The following SYTL5 variants were observed in gnomAD, a reference collection of about 807,000 sequenced individuals.
SYTL5 encodes the protein synaptotagmin-like protein 5.
SYTL5 carries 34 observed loss-of-function variants against 55.9 expected under a neutral mutation model. That is an observed-to-expected ratio of 0.61 (90% confidence interval 0.46 to 0.81). The LOEUF (loss-of-function observed/expected upper bound fraction) is 0.81. SYTL5 is among the 30% of genes least tolerant of loss of function. SYTL5 has a pLI of 0.00. For missense variants in SYTL5, 637 were observed against 546.7 expected (o/e 1.17, Z -1.65); for synonymous variants, 221 against 188.7 (o/e 1.17, Z -1.40).
At chrX:38,115,907 CG>C (rs1937477746) in intron 13 of SYTL5, among the ~76,000 whole-genome samples, 1 of 112,071 alleles carries the variant, frequency 8.9e-6, no homozygotes, top group South Asian at 3.7e-4. Flanking sequence ...TTCACTCTGT[CG>C]ATTGTTTTCT....
At chrX:38,086,139 C>T (rs187655320) in intron 6 of SYTL5, among the ~76,000 whole-genome samples, 2 of 111,640 alleles carry the variant, frequency 1.8e-5, no homozygotes, top group Admixed American at 1.9e-4. Context: ...ACCTGGAAAC[C>T]TTCATTTAAC....
chrX:37,893,160 C>A, the SYTL5 span, among the ~76,000 whole-genome samples: 1 of 46,126 alleles, frequency 2.2e-5, no homozygotes, highest in African/African-American at 2.1e-4. Flanking sequence ...ATATAACATA[C>A]CACACTCTAT....
chrX:37,917,831 TA>T, the SYTL5 span, among the ~76,000 whole-genome samples: 21 of 111,237 alleles, frequency 1.9e-4, no homozygotes, highest in African/African-American at 6.9e-4. Context: ...CAAAAGGAAA[TA>T]AGAAAGGGGA....
chrX:38,107,391 T>G (rs1460856396), intron 11 of SYTL5, among the ~76,000 whole-genome samples: 1 of 111,743 alleles, frequency 8.9e-6, no homozygotes, highest in Non-Finnish European at 1.9e-5. Context: ...TGGAGTCACA[T>G]AGGATGCATT....
At chrX:38,091,592 T>A (rs1936800735) in intron 7 of SYTL5, among the ~76,000 whole-genome samples, 1 of 111,319 alleles carries the variant, frequency 9.0e-6, no homozygotes, top group Admixed American at 9.5e-5. Context: ...GGCTTATAGA[T>A]GAGAGGGAGC....
At chrX:37,958,958 G>A in the SYTL5 span, among the ~76,000 whole-genome samples, 3 of 112,345 alleles carry the variant, frequency 2.7e-5, no homozygotes, top group Non-Finnish European at 5.6e-5. Context: ...GGGAGGGGGG[G>A]TTGGAATCTT....
the SYTL5 span, among the ~76,000 whole-genome samples, chrX:37,948,939 G>C: frequency 9.0e-6 from 1 of 111,485 alleles, no homozygotes; most frequent in Non-Finnish European, 1.9e-5. Flanking sequence ...GCCTCAATTT[G>C]TTGCTATTTC....
chrX:37,917,811 A>T, the SYTL5 span, among the ~76,000 whole-genome samples: 1 of 111,936 alleles, frequency 8.9e-6, no homozygotes, highest in Non-Finnish European at 1.9e-5. Context: ...GGAAAGGGAC[A>T]GCAGGGCAAC....
At chrX:38,034,155 G>A (rs756651313) in intron 2 of SYTL5, 147 bp downstream of exon 2, 6 of 299,439 alleles carry the variant, frequency 2.0e-5, no homozygotes, top group Admixed American at 5.9e-5. Flanking sequence ...CCCAAATATC[G>A]GAAAACTTTG....
intron 1 of SYTL5, among the ~76,000 whole-genome samples, chrX:38,011,347 G>A (rs1435638482): frequency 1.8e-5 from 2 of 111,827 alleles, no homozygotes; most frequent in East Asian, 2.8e-4. Context: ...ATGTTATACT[G>A]CTGGCCGGGC....
rs757400001 is a variant in SYTL5 at position 38,022,248 on chromosome X, C to G, written c.-356-11286C>G. ...ATAAAGCTGTATTAGCCTATCCCAA[C>G]TGATACAGTGTTACTGTAAGAGAAG... is the stretch of plus-strand genomic sequence containing the variant. On this transcript the variant is annotated intron_variant, in intron 1 of 16. Transcript: ENST00000297875. 4.9e-4 allele frequency among the ~76,000 whole-genome samples: 55 copies of G among 112,373 alleles called. 1 individual carries two copies. The highest frequency in any genetic ancestry group is 2.6e-4 in the Non-Finnish European group (14 of 53,303).
At chrX:37,892,600 G>C in the SYTL5 span, among the ~76,000 whole-genome samples, 1 of 91,683 alleles carries the variant, frequency 1.1e-5, no homozygotes, top group Non-Finnish European at 2.1e-5. Context: ...TAGTATGTAT[G>C]TATATAATTG....
chrX:37,895,454 T>TTCCTTCCC, the SYTL5 span, among the ~76,000 whole-genome samples: 1,804 of 82,801 alleles, frequency 0.022, 52 homozygotes, highest in African/African-American at 0.08. Flanking sequence ...CCTTCCTTCC[T>TTCCTTCCC]TCCCTCCCTC....
the SYTL5 span, among the ~76,000 whole-genome samples, chrX:37,957,000 T>C: frequency 8.9e-6 from 1 of 112,073 alleles, no homozygotes; most frequent in African/African-American, 3.2e-5. Flanking sequence ...TGAGGTGATA[T>C]CTCATTGTGG....
At chrX:38,078,412 C>G (rs1936443257) in intron 6 of SYTL5, among the ~76,000 whole-genome samples, 1 of 110,256 alleles carries the variant, frequency 9.1e-6, no homozygotes, top group Non-Finnish European at 1.9e-5. Context: ...AGGTGCCCAC[C>G]ACCACGCCCA....
chrX:38,035,945 GACAATGAAGT>G (rs1226070188), intron 2 of SYTL5, among the ~76,000 whole-genome samples: 74 of 111,519 alleles, frequency 6.6e-4, no homozygotes, highest in African/African-American at 1.6e-3. Context: ...GATGCCCAGA[GACAATGAAGT>G]ACAATGAATA....
chrX:38,069,681 G>A (rs1936202085), intron 3 of SYTL5, among the ~76,000 whole-genome samples: 1 of 111,880 alleles, frequency 8.9e-6, no homozygotes, highest in African/African-American at 3.2e-5. Flanking sequence ...GGCCCATGTG[G>A]ATAATCTAGG....
At chrX:38,016,218 C>T (rs1934350425) in intron 1 of SYTL5, among the ~76,000 whole-genome samples, 1 of 112,009 alleles carries the variant, frequency 8.9e-6, no homozygotes, top group Non-Finnish European at 1.9e-5. Context: ...TTGATTGATG[C>T]ATACTTATCC....
chrX:37,925,570 A>G, the SYTL5 span, among the ~76,000 whole-genome samples: 1 of 110,991 alleles, frequency 9.0e-6, no homozygotes, highest in African/African-American at 3.3e-5. Flanking sequence ...AGCCATTCTA[A>G]CTGGGATGAG....
Sources: allele counts gnomAD v4.1 joint callset (sites outside exome capture counted in the v4.1 genomes callset), GRCh38; gene constraint gnomAD v4.1.1; transcripts MANE v1.5; gene names NCBI Gene and HGNC (gene_info 2026-07-23, HGNC 2026-07-21).